The following ADGRB3 variants were observed in gnomAD, a reference collection of about 807,000 sequenced individuals.
ADGRB3 encodes adhesion G protein-coupled receptor B3.
ADGRB3 carries 37 observed loss-of-function variants against 193.4 expected under a neutral mutation model. The observed-to-expected ratio is 0.19, with a 90% confidence interval of 0.15 to 0.25. ADGRB3 has a LOEUF of 0.25. Ranked by LOEUF, ADGRB3 falls within the 10% of genes least tolerant of loss-of-function variation. The pLI, the probability that ADGRB3 is intolerant of heterozygous loss-of-function variation, is 1.00. For missense variants in ADGRB3, 1,637 were observed against 1,852.9 expected, an observed-to-expected ratio of 0.88 and a Z score of 2.14; for synonymous variants, 690 against 644.2, an observed-to-expected ratio of 1.07 and a Z score of -1.08.
intron 3 of ADGRB3, among the ~76,000 whole-genome samples, chr6:68,853,684 T>C (rs1768451405): frequency 6.6e-6 from 1 of 152,146 alleles, no homozygotes; most frequent in Non-Finnish European, 1.5e-5. Flanking sequence ...ATTTGAAATC[T>C]ATCTGTTTAA....
intron 3 of ADGRB3, among the ~76,000 whole-genome samples, chr6:68,738,884 T>G (rs1467217944): frequency 6.6e-6 from 1 of 152,034 alleles, no homozygotes; most frequent in Non-Finnish European, 1.5e-5. Context: ...ACCAAGAAAG[T>G]GATTGTAAAT....
chr6:69,352,043 G>T (rs192615187), intron 26 of ADGRB3, among the ~76,000 whole-genome samples: 1 of 152,132 alleles, frequency 6.6e-6, no homozygotes, highest in African/African-American at 2.4e-5. Flanking sequence ...GCCTTGAGGT[G>T]CAAACAGAAA....
chr6:68,882,904 TG>T (rs1765773010), intron 3 of ADGRB3, among the ~76,000 whole-genome samples: 1 of 152,086 alleles, frequency 6.6e-6, no homozygotes, highest in African/African-American at 2.4e-5. Context: ...TGTTTTGTTT[TG>T]TTTTTTGAGA....
chr6:68,914,940 A>T (rs1766834850), intron 3 of ADGRB3, among the ~76,000 whole-genome samples: 1 of 152,230 alleles, frequency 6.6e-6, no homozygotes, highest in Non-Finnish European at 1.5e-5. Context: ...AACAGTTGAA[A>T]GGAACTGACA....
At chr6:69,074,788 G>T (rs1371630321) in intron 16 of ADGRB3, among the ~76,000 whole-genome samples, 3 of 151,954 alleles carry the variant, frequency 2.0e-5, no homozygotes, top group Admixed American at 1.3e-4. Flanking sequence ...CTCGTGATCT[G>T]CCCTCCTTGG....
intron 26 of ADGRB3, among the ~76,000 whole-genome samples, chr6:69,352,732 G>A (rs1057141148): frequency 2.6e-5 from 4 of 152,174 alleles, no homozygotes; most frequent in Non-Finnish European, 4.4e-5. Flanking sequence ...TGAGTGAGAG[G>A]ACAAGGAGGA....
intron 3 of ADGRB3, among the ~76,000 whole-genome samples, chr6:68,654,839 A>ATC (rs1768454055): frequency 6.6e-6 from 1 of 151,866 alleles, no homozygotes; most frequent in Non-Finnish European, 1.5e-5. Flanking sequence ...GATTTGTTTG[A>ATC]AAATTCACAT....
At chr6:68,770,690 A>C (rs1478307270) in intron 3 of ADGRB3, among the ~76,000 whole-genome samples, 1 of 152,124 alleles carries the variant, frequency 6.6e-6, no homozygotes. Flanking sequence ...ATTTTATTCT[A>C]ACTAGAAGAG....
intron 20 of ADGRB3, among the ~76,000 whole-genome samples, chr6:69,274,623 C>CTTCCTTCCTTCTTTCCTTCCTTCT (rs576085951): frequency 2.3e-5 from 3 of 130,316 alleles, no homozygotes; most frequent in Non-Finnish European, 4.9e-5. Context: ...CCCTCCCTCC[C>CTTCCTTCCTTCTTTCCTTCCTTCT]TTCCTTCCTT....
At chr6:68,936,791 T>A in intron 5 of ADGRB3, 111 bp downstream of exon 5, 1 of 1,129,016 alleles carries the variant, frequency 8.9e-7, no homozygotes, top group Non-Finnish European at 1.2e-6. Context: ...TTGATTAGAG[T>A]GGATAAGTGT....
Position 69,226,583 on chromosome 6 carries a change from A to G in ADGRB3, c.2481-6707A>G, listed in dbSNP as rs117094116. On this transcript the variant is annotated intron_variant, in intron 17 of 31. Coordinates refer to ENST00000370598, the MANE Select transcript of ADGRB3 (RefSeq NM_001704.3). ...ACAGATCAGAGTAAGGGCAAAGGGC[A>G]CTTTGGAAAGTGCTTGTATTGTGTA... 3.2e-3 allele frequency among the ~76,000 whole-genome samples: 493 copies of G among 152,378 alleles called. 5 individuals are homozygous for G. Among genetic ancestry groups the G allele is most frequent in the Non-Finnish European group, 5.2e-3 (356 of 68,034 alleles).
At chr6:68,644,117 A>C (rs1013413381) in intron 3 of ADGRB3, among the ~76,000 whole-genome samples, 6 of 152,092 alleles carry the variant, frequency 3.9e-5, no homozygotes, top group Non-Finnish European at 8.8e-5. Flanking sequence ...AAACAAAAAA[A>C]CTCAATAGGA....
intron 3 of ADGRB3, among the ~76,000 whole-genome samples, chr6:68,676,948 A>T (rs1582116720): frequency 1.3e-5 from 2 of 152,344 alleles, no homozygotes; most frequent in East Asian, 3.9e-4. Context: ...AAAACAAAAA[A>T]TGAATAAAAC....
chr6:69,174,662 G>A (rs936370349), intron 17 of ADGRB3, among the ~76,000 whole-genome samples: 2 of 152,170 alleles, frequency 1.3e-5, no homozygotes, highest in African/African-American at 4.8e-5. Flanking sequence ...TAAGTTCTCA[G>A]AGAAATCTGA....
At chr6:69,020,825 G>T (rs866869616) in intron 13 of ADGRB3, among the ~76,000 whole-genome samples, 2 of 151,968 alleles carry the variant, frequency 1.3e-5, no homozygotes, top group Non-Finnish European at 2.9e-5. Flanking sequence ...AGGGTTATGC[G>T]CCATAGTATT....
At chr6:69,054,505 T>C (rs561889405) in intron 15 of ADGRB3, among the ~76,000 whole-genome samples, 3 of 152,216 alleles carry the variant, frequency 2.0e-5, no homozygotes, top group Non-Finnish European at 4.4e-5. Flanking sequence ...TTTTTAATTC[T>C]CACTTTGCAA....
At chr6:68,680,354 A>T (rs530145271) in intron 3 of ADGRB3, among the ~76,000 whole-genome samples, 2 of 152,334 alleles carry the variant, frequency 1.3e-5, no homozygotes, top group Admixed American at 6.5e-5. Flanking sequence ...GTAAAAATAG[A>T]TCCGTACAAA....
intron 3 of ADGRB3, among the ~76,000 whole-genome samples, chr6:68,901,094 A>G (rs114419728): frequency 6.6e-6 from 1 of 152,144 alleles, no homozygotes; most frequent in African/African-American, 2.4e-5. Flanking sequence ...CAAATTTAGC[A>G]GTAAATAATA....
chr6:68,801,773 A>T (rs1582213309), intron 3 of ADGRB3, among the ~76,000 whole-genome samples: 1 of 152,182 alleles, frequency 6.6e-6, no homozygotes, highest in African/African-American at 2.4e-5. Flanking sequence ...CCTCTTCCTT[A>T]TTAAACAAAT....
Sources: gnomAD v4.1 joint callset for allele counts (sites outside exome capture counted in the v4.1 genomes callset) on GRCh38, gnomAD v4.1.1 for gene constraint, MANE v1.5 for transcripts, NCBI Gene and HGNC (gene_info 2026-07-23, HGNC 2026-07-21) for gene names.